PRKCB: variants seen among roughly 807,000 people sequenced by gnomAD.
PRKCB encodes the protein protein kinase C beta, also known as protein kinase C beta type.
PRKCB carries 13 observed loss-of-function variants against 81.5 expected under a neutral mutation model. The ratio of observed to expected loss-of-function variants is 0.16; its 90% CI spans 0.10 to 0.25. PRKCB has a LOEUF of 0.25. Ranked by LOEUF, PRKCB falls within the 10% of genes least tolerant of loss-of-function variation. The pLI, the probability that PRKCB is intolerant of heterozygous loss-of-function variation, is 1.00. For synonymous variants in PRKCB, 335 were observed against 321.4 expected (o/e 1.04, Z -0.45); for missense variants, 509 against 875.7 (o/e 0.58, Z 5.29).
At chr16:24,085,035 G>A (rs1048148642) in intron 5 of PRKCB, among the ~76,000 whole-genome samples, 1 of 152,014 alleles carries the variant, frequency 6.6e-6, no homozygotes, top group East Asian at 1.9e-4. Flanking sequence ...CTGGTCAGAA[G>A]CGATTGAATG....
chr16:24,104,982 G>A (rs888346028), intron 7 of PRKCB, among the ~76,000 whole-genome samples: 3 of 152,040 alleles, frequency 2.0e-5, no homozygotes, highest in Admixed American at 1.3e-4. Flanking sequence ...TTCCCTAGTA[G>A]GTCCTTTCCC....
intron 5 of PRKCB, among the ~76,000 whole-genome samples, chr16:24,041,923 G>T (rs7191010): frequency 0.022 from 3,330 of 150,756 alleles, 138 homozygotes; most frequent in African/African-American, 0.077. Context: ...GGCAGAGGTT[G>T]CAGTGAGCTG....
intron 2 of PRKCB, among the ~76,000 whole-genome samples, chr16:23,891,328 C>T (rs1963291213): frequency 1.3e-5 from 2 of 152,054 alleles, no homozygotes; most frequent in African/African-American, 2.4e-5. Context: ...GCTGGAAATA[C>T]AGGCATGAGA....
chr16:23,976,693 G>A (rs1964632177), intron 2 of PRKCB, among the ~76,000 whole-genome samples: 1 of 152,218 alleles, frequency 6.6e-6, no homozygotes, highest in Admixed American at 6.5e-5. Flanking sequence ...TGAGTGAAGA[G>A]ATATTGATGT....
intron 9 of PRKCB, among the ~76,000 whole-genome samples, chr16:24,138,910 T>C (rs1235196950): frequency 7.1e-6 from 1 of 141,232 alleles, no homozygotes; most frequent in Non-Finnish European, 1.5e-5. Flanking sequence ...TAGAGTGCAA[T>C]GGCACAATCT....
At chr16:24,175,912 C>T (rs1567402473) in intron 12 of PRKCB, among the ~76,000 whole-genome samples, 1 of 139,566 alleles carries the variant, frequency 7.2e-6, no homozygotes, top group Non-Finnish European at 1.5e-5. Flanking sequence ...TTCAAGGATG[C>T]AATGAGCTGT....
intron 3 of PRKCB, among the ~76,000 whole-genome samples, chr16:24,017,555 C>T (rs371484766): frequency 4.0e-5 from 6 of 151,864 alleles, no homozygotes; most frequent in Non-Finnish European, 7.4e-5. Context: ...AAAAGAACAT[C>T]GACAAAATTA....
intron 16 of PRKCB, chr16:24,208,297 A>ACAAAG: frequency 6.6e-6 from 1 of 152,476 alleles, no homozygotes; most frequent in East Asian, 1.9e-4. Flanking sequence ...ACAAAACAAA[A>ACAAAG]AAGAGATCCC....
At chr16:24,039,395 A>ATT (rs113105832) in intron 5 of PRKCB, among the ~76,000 whole-genome samples, 1 of 151,452 alleles carries the variant, frequency 6.6e-6, no homozygotes, top group Non-Finnish European at 1.5e-5. Flanking sequence ...TGCCCAGCTG[A>ATT]TTTTTTTTAT....
At chr16:24,027,277 G>C (rs1358483160) in intron 3 of PRKCB, among the ~76,000 whole-genome samples, 1 of 152,158 alleles carries the variant, frequency 6.6e-6, no homozygotes, top group Non-Finnish European at 1.5e-5. Flanking sequence ...CTTTTTAGGT[G>C]GGTTTGAAGC....
intron 5 of PRKCB, among the ~76,000 whole-genome samples, chr16:24,046,111 C>A (rs1270322620): frequency 6.6e-6 from 1 of 152,256 alleles, no homozygotes; most frequent in Admixed American, 6.5e-5. Flanking sequence ...CCCTGCTTTG[C>A]CTTTGTCCTC....
intron 2 of PRKCB, among the ~76,000 whole-genome samples, chr16:23,926,620 T>C (rs1008152241): frequency 7.3e-5 from 11 of 151,058 alleles, no homozygotes; most frequent in Admixed American, 6.6e-4. Context: ...TATATATGTA[T>C]ATATATGGTG....
Position 24,153,512 on chromosome 16 carries a change from G to T in PRKCB, c.1066-1172G>T, listed in dbSNP as rs76791388. ...CTTCCTCCAGGAAGCCTTCCTAGAAGTCCCCAAACCAGGTTAGGACTCTTC... is the reference window on the plus strand; with the variant it reads ...CTTCCTCCAGGAAGCCTTCCTAGAATTCCCCAAACCAGGTTAGGACTCTTC... On this transcript the variant is annotated intron_variant, in intron 9 of 16. Transcript: ENST00000643927. Among the ~76,000 whole-genome samples the T allele has an allele frequency of 2.2e-3, 328 of 152,298 alleles. 1 individual carries two copies. The highest frequency in any genetic ancestry group is 6.4e-3 in the African/African-American group (266 of 41,574).
chr16:23,853,109 C>T (rs1962501486), intron 2 of PRKCB, among the ~76,000 whole-genome samples: 1 of 152,188 alleles, frequency 6.6e-6, no homozygotes, highest in Non-Finnish European at 1.5e-5. Context: ...AGTTTTTCCA[C>T]ACAATAATTT....
chr16:24,028,006 G>A lies in PRKCB; in HGVS notation c.289-4130G>A, dbSNP rs192644754. On this transcript the variant is annotated intron_variant, in intron 3 of 16. Coordinates refer to ENST00000643927, the MANE Select transcript of PRKCB (RefSeq NM_002738.7). Reference sequence around the variant, plus strand: ...GCTGATCTCAAACTCCTGGGTTCAAGCTCAAGCAGTCCTCCCGCCTTGGCC... The same window carrying A: ...GCTGATCTCAAACTCCTGGGTTCAAACTCAAGCAGTCCTCCCGCCTTGGCC... Among the ~76,000 whole-genome samples, 309 of 152,328 alleles carry A rather than the reference G, an allele frequency of 2.0e-3. 1 individual carries two copies. Among genetic ancestry groups the A allele is most frequent in the Middle Eastern group, 6.8e-3 (2 of 294 alleles).
intron 16 of PRKCB, among the ~76,000 whole-genome samples, chr16:24,193,465 A>AAATAT (rs1567408518): frequency 1.5e-5 from 1 of 68,354 alleles, no homozygotes; most frequent in Non-Finnish European, 3.7e-5. Context: ...ATAAATAAAT[A>AAATAT]AATAAATAAA....
In PRKCB at chr16:23,903,386, G is replaced by T. The variant is rs377577223; in HGVS notation, c.205+65980G>T. ...GGTCTGCTCCGTACATCTGGGGATTGGTATTACCACATCATTTCCCCCCTA... is the reference window on the plus strand; with the variant it reads ...GGTCTGCTCCGTACATCTGGGGATTTGTATTACCACATCATTTCCCCCCTA... On this transcript the variant is annotated intron_variant, in intron 2 of 16. Transcript: ENST00000643927. Among the ~76,000 whole-genome samples the T allele has an allele frequency of 3.9e-5, 6 of 152,002 alleles. No homozygotes were observed. The South Asian group carries it at 6.3e-4, about 16-fold the overall frequency.
intron 9 of PRKCB, among the ~76,000 whole-genome samples, chr16:24,127,696 G>A (rs973019990): frequency 2.6e-5 from 4 of 152,162 alleles, no homozygotes; most frequent in African/African-American, 9.7e-5. Context: ...TAGATCATAT[G>A]TCTCCATGGA....
chr16:23,877,908 A>G (rs1220563926), intron 2 of PRKCB, among the ~76,000 whole-genome samples: 1 of 150,542 alleles, frequency 6.6e-6, no homozygotes, highest in Non-Finnish European at 1.5e-5. Flanking sequence ...ATCTCGGCTC[A>G]CCGCAACCTC....
Sources: gnomAD v4.1 joint callset for allele counts (sites outside exome capture counted in the v4.1 genomes callset) on GRCh38, gnomAD v4.1.1 for gene constraint, MANE v1.5 for transcripts, NCBI Gene and HGNC (gene_info 2026-07-23, HGNC 2026-07-21) for gene names.